SMARCC2: variants seen among roughly 807,000 people sequenced by gnomAD.
The protein encoded by SMARCC2 is SWI/SNF complex subunit SMARCC2.
In SMARCC2, 15 loss-of-function variants were observed where a neutral mutation model predicts 151.3. That is an observed-to-expected ratio of 0.10 (90% CI 0.07 to 0.15). The LOEUF is 0.15. Ranked by LOEUF, SMARCC2 falls within the 10% of genes least tolerant of loss-of-function variation. The pLI, the probability that SMARCC2 is intolerant of heterozygous loss-of-function variation, is 1.00. For synonymous variants in SMARCC2, 590 were observed against 609.5 expected (o/e 0.97, Z 0.47); for missense variants, 1,031 against 1,599.7 (o/e 0.64, Z 6.06).
Position 56,167,939 on chromosome 12 carries a change from CTCTT to C in SMARCC2, c.2850+117_2850+120del, listed in dbSNP as rs1413314758. On this transcript the variant is annotated intron_variant, in intron 26 of 28. Transcript: ENST00000550164. ...AGGCTTTCCCCACTGTTGCTTATCT[CTCTT>C]TCACTGAAACACACACACACACACA... is the stretch of plus-strand genomic sequence containing the variant. The C allele has an allele frequency of 3.0e-5, 35 of 1,150,764 alleles. 1 individual carries two copies. The South Asian group carries it at 4.5e-4, about 15-fold the overall frequency. 71.3% of individuals were successfully genotyped at this position (1,150,764 alleles called of 1,614,324 possible).
chr12:56,167,087 A>T (rs1053745864), intron 26 of SMARCC2, among the ~76,000 whole-genome samples: 11 of 142,902 alleles, frequency 7.7e-5, no homozygotes, highest in African/African-American at 2.9e-4. Context: ...AAGCGTGATG[A>T]CTCACCTGTA....
intron 2 of SMARCC2, 134 bp downstream of exon 2, chr12:56,187,053 G>A (rs1332159960): frequency 1.4e-5 from 11 of 810,416 alleles, no homozygotes; most frequent in Non-Finnish European, 2.1e-5. Context: ...GCCCTGATCA[G>A]GGATAGGGAT....
chr12:56,169,163 A>G (rs992952849), intron 25 of SMARCC2, among the ~76,000 whole-genome samples: 1 of 150,430 alleles, frequency 6.6e-6, no homozygotes, highest in Non-Finnish European at 1.5e-5. Flanking sequence ...GGCGTGGTGT[A>G]GCACGCCTGT....
Position 56,172,638 on chromosome 12 carries a change from G to T in SMARCC2, c.1810C>A (p.Gln604Lys), listed in dbSNP as rs1874172756. 6.2e-7 allele frequency: 1 copy of T among 1,614,078 alleles called. No homozygotes were observed. The change falls in exon 19 of 29, where the codon CAA becomes AAA. Residue 604 changes from glutamine (Q) to lysine (K), a missense_variant. Coordinates refer to ENST00000550164, the MANE Select transcript of SMARCC2 (RefSeq NM_001330288.2). ...ATGTCTGTGCGCAGCCCAAAGTTTT[G>T]CATGTCTGTTGGTTTCTCTTTGCCT... ...DKGKEKPTDM[Q>K]NFGLRTDMYT... is the part of the protein sequence containing the mutation.
Position 56,171,707 on chromosome 12 carries a change from G to A in SMARCC2, c.2157C>T (p.Val719=). The change falls in exon 21 of 29, where the codon GTC becomes GTT. Residue 719 remains valine, a synonymous_variant. Coordinates refer to ENST00000550164, the MANE Select transcript of SMARCC2 (RefSeq NM_001330288.2). This position sits in a 1 kb window ranked among gnomAD's most constrained non-coding sequence, Gnocchi z 4.2. The part of the protein sequence containing the change: ...AFLASVVDPR[V]ASAAAKSALE... ...GGGCTGACTTTGCAGCAGCAGAGGCGACTCGGGGATCGACGACAGAGGCCA... is the reference window on the plus strand; with the variant it reads ...GGGCTGACTTTGCAGCAGCAGAGGCAACTCGGGGATCGACGACAGAGGCCA... 2 of 1,571,330 alleles carry A rather than the reference G, an allele frequency of 1.3e-6. No individual in the cohort carries two copies. Among genetic ancestry groups the A allele is most frequent in the Non-Finnish European group, 1.7e-6 (2 of 1,158,346 alleles).
At chr12:56,172,736 C>A in intron 18 of SMARCC2, 32 bp from the exon 19 acceptor site, 2 of 1,612,098 alleles carry the variant, frequency 1.2e-6, no homozygotes, top group Non-Finnish European at 1.7e-6. Context: ...CAGGTGAGTA[C>A]AAGTGACCAC....
intron 1 of SMARCC2, among the ~76,000 whole-genome samples, chr12:56,188,139 T>TA (rs1375333896): frequency 6.6e-6 from 1 of 152,140 alleles, no homozygotes. Context: ...GACAAAGAGC[T>TA]AAGAGCATGG....
At chr12:56,177,253 A>C (rs2135713260) in intron 15 of SMARCC2, among the ~76,000 whole-genome samples, 1 of 152,068 alleles carries the variant, frequency 6.6e-6, no homozygotes, top group Non-Finnish European at 1.5e-5. Context: ...CTTGTTCATT[A>C]ATTTTTTTAG....
rs374326559 is a variant in SMARCC2 at position 56,181,606 on chromosome 12, T to C, written c.841-9A>G. ...GAATCTGGGCTGTTCACCTATAGGATGGAGAATCAGGACAAATGTCAGCCT... is the reference window on the plus strand; with the variant it reads ...GAATCTGGGCTGTTCACCTATAGGACGGAGAATCAGGACAAATGTCAGCCT... On this transcript the variant is annotated splice_polypyrimidine_tract_variant and intron_variant, in intron 9 of 28. Coordinates refer to ENST00000550164, the MANE Select transcript of SMARCC2 (RefSeq NM_001330288.2). 5.0e-5 allele frequency: 81 copies of C among 1,605,544 alleles called. No individual in the cohort carries two copies. The highest frequency in any genetic ancestry group is 1.9e-4 in the Admixed American group (11 of 59,436).
At position 56,174,699 on chromosome 12, in the gene SMARCC2, G is replaced by A. The variant is rs760022540; in HGVS notation, c.1448C>T (p.Ser483Phe). The stretch of plus-strand genomic sequence containing the variant: ...CGCTAGGTTTCGGCGGCAGGCGGTA[G>A]AGGTAAGATACTCTTGGGGGTTCAG... ...YRLNPQEYLT[S>F]TACRRNLAGD... The change falls in exon 16 of 29, where the codon TCT becomes TTT. Residue 483 changes from serine (S) to phenylalanine (F), a missense_variant. This residue lies in a region of SMARCC2 where 51 missense variants were observed against 135.1 expected (regional missense o/e 0.38). Coordinates refer to ENST00000550164, the MANE Select transcript of SMARCC2 (RefSeq NM_001330288.2). The A allele has an allele frequency of 1.2e-6, 2 of 1,614,098 alleles. No homozygotes were observed. The highest frequency in any genetic ancestry group is 1.7e-6 in the Non-Finnish European group (2 of 1,179,978).
Position 56,167,958 on chromosome 12 carries a change from ACACACAC to A in SMARCC2, c.2850+95_2850+101del, listed in dbSNP as rs1873145733. On this transcript the variant is annotated intron_variant, in intron 26 of 28. Transcript: ENST00000550164. ...TTATCTCTCTTTCACTGAAACACACACACACACACACACACACACACACACACACACA... is the reference window on the plus strand; with the variant it reads ...TTATCTCTCTTTCACTGAAACACACAACACACACACACACACACACACACA... 1.4e-4 allele frequency: 91 copies of A among 666,642 alleles called. No homozygotes were observed. The African/African-American group carries it at 2.5e-3, about 18-fold the overall frequency. 41.3% of individuals were successfully genotyped at this position (666,642 alleles called of 1,614,324 possible).
rs76438338 is a variant in SMARCC2 at position 56,182,293 on chromosome 12, C to T, written c.633-214G>A. On this transcript the variant is annotated intron_variant, in intron 7 of 28. Transcript: ENST00000550164. ...CACCCTTACGTAACTACTCTTGATACTTGTATATCTGTTTTTCCTCCACAG... is the reference window on the plus strand; with the variant it reads ...CACCCTTACGTAACTACTCTTGATATTTGTATATCTGTTTTTCCTCCACAG... 1.5e-4 allele frequency among the ~76,000 whole-genome samples: 22 copies of T among 151,668 alleles called. No individual in the cohort carries two copies. In the East Asian group the frequency reaches 4.1e-3, roughly 28 times the overall value.
In SMARCC2 at chr12:56,165,328, A is replaced by AC; in HGVS notation, c.3221_3222insG (p.Gly1075TrpfsTer33). 1 of 1,490,942 alleles carries AC rather than the reference A, an allele frequency of 6.7e-7. No individual in the cohort carries two copies. Among genetic ancestry groups the AC allele is most frequent in the Admixed American group, 2.4e-5 (1 of 40,840 alleles). 92.4% of individuals were successfully genotyped at this position (1,490,942 alleles called of 1,614,324 possible). ...GAACATAACACTTACCATGGGGTCC[A>AC]GGGGGGGGAACCCCTGGTGGGACTG... On this transcript the variant is annotated frameshift_variant, in exon 27 of 29. Transcript: ENST00000550164. LOFTEE classifies it high-confidence loss of function.
At chr12:56,164,187 T>C (rs1872327053) in intron 28 of SMARCC2, 116 bp downstream of exon 28, 1 of 902,380 alleles carries the variant, frequency 1.1e-6, no homozygotes, top group Non-Finnish European at 1.7e-6. Flanking sequence ...TTTACCAGAG[T>C]GTTCAAAAAG....
chr12:56,188,998 G>A (rs1877823497), intron 1 of SMARCC2, among the ~76,000 whole-genome samples: 2 of 152,050 alleles, frequency 1.3e-5, no homozygotes, highest in South Asian at 2.1e-4. Context: ...TTGCGGGGGA[G>A]CCCATTGGGC....
At chr12:56,169,501 C>T in intron 25 of SMARCC2, 28 bp downstream of exon 25, 3 of 1,610,118 alleles carry the variant, frequency 1.9e-6, no homozygotes, top group African/African-American at 2.7e-5. Flanking sequence ...ACATTTTCTT[C>T]CCTGAGGTCT....
At chr12:56,180,740 C>T (rs1414506383) in intron 11 of SMARCC2, among the ~76,000 whole-genome samples, 2 of 152,170 alleles carry the variant, frequency 1.3e-5, no homozygotes, top group Non-Finnish European at 2.9e-5. Flanking sequence ...AACACATAAT[C>T]AAAGAGTTTG....
At chr12:56,178,589 C>G (rs1334309974) in intron 13 of SMARCC2, 55 bp from the exon 14 acceptor site, 6 of 1,612,334 alleles carry the variant, frequency 3.7e-6, no homozygotes, top group South Asian at 1.1e-5. Context: ...CCCTAGCAAC[C>G]CTCTGCTTCT....
chr12:56,166,212 G>A (rs546244771), intron 26 of SMARCC2, among the ~76,000 whole-genome samples: 1 of 152,170 alleles, frequency 6.6e-6, no homozygotes, highest in African/African-American at 2.4e-5. Flanking sequence ...CGTGATCTCA[G>A]CTCACTGCAA....
Sources: allele counts gnomAD v4.1 joint callset (sites outside exome capture counted in the v4.1 genomes callset), GRCh38; gene constraint gnomAD v4.1.1; regional missense constraint gnomAD v4.1.1; non-coding constraint Gnocchi (gnomAD v3.1); transcripts MANE v1.5; gene names NCBI Gene and HGNC (gene_info 2026-07-23, HGNC 2026-07-21).